The following PYROXD1 variants were observed in gnomAD, a reference collection of about 807,000 sequenced individuals.
The protein encoded by PYROXD1 is pyridine nucleotide-disulphide oxidoreductase domain 1, also known as tRNA ligase complex-associated NAD(P)H dehydrogenase PYROXD1.
In PYROXD1, 42 loss-of-function variants were observed where a neutral mutation model predicts 62.0. The observed-to-expected ratio is 0.68, with a 90% confidence interval of 0.53 to 0.88. PYROXD1 has a LOEUF of 0.88. Ranked by LOEUF, PYROXD1 falls within the 40% of genes least tolerant of loss-of-function variation. The pLI is 0.00. For missense variants in PYROXD1, 493 were observed against 604.8 expected (o/e 0.82, Z 1.94); for synonymous variants, 170 against 206.4 (o/e 0.82, Z 1.51).
rs369083786 is a variant in PYROXD1, at chr12:21,445,467, G to A, written c.285+1G>A. ...AAAGCAACTGAAGAGTGAAGAACAC[G>A]TAAGATAATTGTTTTCTTAATAACA... On this transcript the variant is annotated splice_donor_variant, in intron 3 of 11. Coordinates refer to ENST00000240651, the MANE Select transcript of PYROXD1 (RefSeq NM_024854.5). LOFTEE classifies it high-confidence loss of function. 307 of 1,581,730 alleles carry A rather than the reference G, an allele frequency of 1.9e-4. No individual in the cohort carries two copies. The highest frequency in any genetic ancestry group is 2.5e-4 in the Non-Finnish European group (287 of 1,170,930).
chr12:21,449,832 A>T (rs2137257249), intron 4 of PYROXD1, 141 bp downstream of exon 4: 1 of 583,608 alleles, frequency 1.7e-6, no homozygotes, highest in Non-Finnish European at 2.9e-6. Flanking sequence ...CAGAGTGGTT[A>T]TGTTTTATTC....
Position 21,452,078 on chromosome 12 carries a change from TA to T in PYROXD1, c.415-2del, listed in dbSNP as rs1942509885. ...CTACCTCATTATTTTCTTTTTAACA[TA>T]GGAATTTCAGAAACAGCTTACTAAA... is the stretch of plus-strand genomic sequence containing the variant. On this transcript the variant is annotated splice_acceptor_variant, in intron 4 of 11. Transcript: ENST00000240651. LOFTEE classifies it high-confidence loss of function. 6.4e-7 allele frequency: 1 copy of T among 1,564,420 alleles called. No homozygotes were observed. The highest frequency in any genetic ancestry group is 8.7e-7 in the Non-Finnish European group (1 of 1,147,644).
At chr12:21,465,515 T>C (rs1479615343) in intron 10 of PYROXD1, among the ~76,000 whole-genome samples, 1 of 151,990 alleles carries the variant, frequency 6.6e-6, no homozygotes, top group Non-Finnish European at 1.5e-5. Context: ...TTTGATGGGG[T>C]TGTTTTTTTT....
At position 21,469,987 on chromosome 12, in the gene PYROXD1, GT is replaced by G; in HGVS notation, c.*1237del. ...GGTTTTACATAAAAATTTTTCCCTTGTTTTATACTGGAAAATTATATAATTC... is the reference window on the plus strand; with the variant it reads ...GGTTTTACATAAAAATTTTTCCCTTGTTTATACTGGAAAATTATATAATTC... On this transcript the variant is annotated 3_prime_UTR_variant, in exon 12 of 12. Coordinates refer to ENST00000240651, the MANE Select transcript of PYROXD1 (RefSeq NM_024854.5). The G allele has an allele frequency of 1.6e-6, 1 of 632,294 alleles. No homozygotes were observed. 39.2% of individuals were successfully genotyped at this position (632,294 alleles called of 1,614,324 possible). A position where few individuals can be genotyped will look rare whatever the true frequency, so the allele number is the denominator to read the frequency against.
At chr12:21,459,018 A>G (rs1942648704) in intron 7 of PYROXD1, among the ~76,000 whole-genome samples, 1 of 152,224 alleles carries the variant, frequency 6.6e-6, no homozygotes, top group South Asian at 2.1e-4. Context: ...AACAGTAGTG[A>G]AGCACAATAA....
Position 21,466,506 on chromosome 12 carries a change from C to T in PYROXD1, c.1117-975C>T, listed in dbSNP as rs1460279357. Among the ~76,000 whole-genome samples, 14 of 152,122 alleles carry T rather than the reference C, an allele frequency of 9.2e-5. 1 individual carries two copies. The highest frequency in any genetic ancestry group is 7.9e-4 in the Admixed American group (12 of 15,270). On this transcript the variant is annotated intron_variant, in intron 10 of 11. Coordinates refer to ENST00000240651, the MANE Select transcript of PYROXD1 (RefSeq NM_024854.5). ...TATAAGAATGCTTGTGATTTTTGCA[C>T]ATTGATTTTGTATCCTGAGACTTTG...
chr12:21,451,058 TCA>T (rs1191962741), intron 4 of PYROXD1, among the ~76,000 whole-genome samples: 2 of 152,140 alleles, frequency 1.3e-5, no homozygotes, highest in African/African-American at 4.8e-5. Flanking sequence ...GAAATAAACT[TCA>T]GTTGTTTTTT....
rs1942859754 is a variant in PYROXD1 at position 21,469,035 on chromosome 12, T to C, written c.*281T>C. ...AACATAAATATGTTTACTTGTGATTTAGCTTTGGAGCAAATTTAGGTAAGT... is the reference window on the plus strand; with the variant it reads ...AACATAAATATGTTTACTTGTGATTCAGCTTTGGAGCAAATTTAGGTAAGT... On this transcript the variant is annotated 3_prime_UTR_variant, in exon 12 of 12. Transcript: ENST00000240651. 3 of 280,844 alleles carry C rather than the reference T, an allele frequency of 1.1e-5. No homozygotes were observed. The South Asian group carries it at 1.3e-4, about 12-fold the overall frequency. The allele number at this position is 280,844 out of a possible 1,614,324, so 17.4% of individuals were successfully genotyped here. A position where few individuals can be genotyped will look rare whatever the true frequency, so the allele number is the denominator to read the frequency against.
chr12:21,439,855 C>T (rs772126298), intron 1 of PYROXD1, among the ~76,000 whole-genome samples: 7 of 152,178 alleles, frequency 4.6e-5, no homozygotes, highest in South Asian at 2.1e-4. Flanking sequence ...ATGGCTTTAT[C>T]GTCCCACAAT....
At chr12:21,463,012 T>A in intron 10 of PYROXD1, 150 bp downstream of exon 10, 2 of 660,512 alleles carry the variant, frequency 3.0e-6, no homozygotes, top group Non-Finnish European at 4.7e-6. Context: ...AAAAAAAAAC[T>A]AGAATATTTC....
At chr12:21,465,122 A>T (rs1049405955) in intron 10 of PYROXD1, among the ~76,000 whole-genome samples, 2 of 152,178 alleles carry the variant, frequency 1.3e-5, no homozygotes, top group African/African-American at 4.8e-5. Context: ...TAGTGCCGCT[A>T]TAAACATACG....
intron 10 of PYROXD1, among the ~76,000 whole-genome samples, chr12:21,465,596 T>C (rs1942778101): frequency 6.6e-6 from 1 of 151,832 alleles, no homozygotes; most frequent in Non-Finnish European, 1.5e-5. Flanking sequence ...GTTGCAAAAA[T>C]TTTCTCCCAT....
intron 10 of PYROXD1, 138 bp downstream of exon 10, chr12:21,463,000 TAAAAA>T: frequency 1.5e-6 from 1 of 646,784 alleles, no homozygotes; most frequent in African/African-American, 1.9e-5. Context: ...TATATATATT[TAAAAA>T]AAAAACTAGA....
Position 21,462,876 on chromosome 12 carries a change from T to C in PYROXD1, c.1116+14T>C, listed in dbSNP as rs199500257. The stretch of plus-strand genomic sequence containing the variant: ...GTCTGGCAGCAGGTAAGCTAGCATA[T>C]ATAATTATATGTTTTCATCAGAGAT... On this transcript the variant is annotated intron_variant, in intron 10 of 11. Transcript: ENST00000240651. 1.5e-4 allele frequency: 248 copies of C among 1,607,526 alleles called. 1 individual carries two copies. Among genetic ancestry groups the C allele is most frequent in the Middle Eastern group, 4.9e-4 (3 of 6,068 alleles).
chr12:21,452,046 C>T, intron 4 of PYROXD1, 35 bp from the exon 5 acceptor site: 1 of 1,306,188 alleles, frequency 7.7e-7, no homozygotes, highest in South Asian at 1.3e-5. Flanking sequence ...CCCACTATTA[C>T]AAAATACTAC....
chr12:21,449,080 A>G (rs1413859491), intron 3 of PYROXD1, among the ~76,000 whole-genome samples: 2 of 152,138 alleles, frequency 1.3e-5, no homozygotes, highest in African/African-American at 4.8e-5. Context: ...TTCTGTACTC[A>G]TAATAGATAT....
chr12:21,467,034 A>T (rs776363282), intron 10 of PYROXD1, among the ~76,000 whole-genome samples: 2 of 152,162 alleles, frequency 1.3e-5, no homozygotes, highest in Non-Finnish European at 2.9e-5. Flanking sequence ...GTGAGGCACC[A>T]AGAGTCTGTC....
intron 5 of PYROXD1, among the ~76,000 whole-genome samples, chr12:21,454,018 C>T (rs1942550760): frequency 6.6e-6 from 1 of 151,782 alleles, no homozygotes; most frequent in Non-Finnish European, 1.5e-5. Context: ...CAATAATCTT[C>T]TATGTTTACT....
intron 6 of PYROXD1, 130 bp downstream of exon 6, chr12:21,455,422 G>T (rs2137268622): frequency 2.8e-6 from 1 of 360,472 alleles, no homozygotes; most frequent in South Asian, 1.4e-4. Context: ...ATCTTTACAT[G>T]AAGTTTTCAG....
Sources: gnomAD v4.1 joint callset for allele counts (sites outside exome capture counted in the v4.1 genomes callset) on GRCh38, gnomAD v4.1.1 for gene constraint, MANE v1.5 for transcripts, NCBI Gene and HGNC (gene_info 2026-07-23, HGNC 2026-07-21) for gene names.